The following THRA variants were observed in gnomAD, a reference collection of about 807,000 sequenced individuals.
The protein encoded by THRA is thyroid hormone receptor alpha.
A neutral mutation model predicts 45.0 loss-of-function variants in THRA; 13 were observed. The ratio of observed to expected loss-of-function variants is 0.29; its 90% CI spans 0.19 to 0.46. The LOEUF is 0.46. Ranked by LOEUF, THRA falls within the 20% of genes least tolerant of loss-of-function variation. The probability of loss-of-function intolerance (pLI) is 1.00; values close to 1 mark genes in which losing one functional copy is unlikely to be tolerated. For synonymous variants in THRA, 195 were observed against 214.0 expected, an observed-to-expected ratio of 0.91 and a Z score of 0.78; for missense variants, 278 against 556.1, an observed-to-expected ratio of 0.50 and a Z score of 5.03.
In THRA at chr17:40,069,285, GTCTCTGTCTCTGTCTCTCTC is replaced by G. The variant is rs1219499371; in HGVS notation, c.-297-4900_-297-4881del. Among the ~76,000 whole-genome samples, 3 of 145,936 alleles carry G rather than the reference GTCTCTGTCTCTGTCTCTCTC, an allele frequency of 2.1e-5. No individual in the cohort carries two copies. The East Asian group carries it at 6.1e-4, about 29-fold the overall frequency. ...CCTCCCTTTCTGTCCCTGTCTCTCT[GTCTCTGTCTCTGTCTCTCTC>G]TCTCTGCCTCTGCCAGTTCTGCTTG... On this transcript the variant is annotated intron_variant, in intron 1 of 8. Coordinates refer to ENST00000450525, the MANE Select transcript of THRA (RefSeq NM_199334.5).
intron 4 of THRA, among the ~76,000 whole-genome samples, chr17:40,078,676 G>GT (rs1987034045): frequency 6.7e-6 from 1 of 150,120 alleles, no homozygotes; most frequent in Non-Finnish European, 1.5e-5. Flanking sequence ...TCAAAATGTG[G>GT]TTCATGGACC....
In THRA at chr17:40,092,431, CA is replaced by C. The variant is rs1162298455; in HGVS notation, c.*2976del. 1 of 152,254 alleles carries C rather than the reference CA, an allele frequency of 6.6e-6. No homozygotes were observed. The highest frequency in any genetic ancestry group is 1.9e-4 in the East Asian group (1 of 5,176). The allele number at this position is 152,254 out of a possible 1,614,324, so 9.4% of individuals were successfully genotyped here. ...CAGGGAAGGAGGTAGGTCTCTTCCCCAGGGAGGGGTGGGACCGGCAGGGGTG... is the reference window on the plus strand; with the variant it reads ...CAGGGAAGGAGGTAGGTCTCTTCCCCGGGAGGGGTGGGACCGGCAGGGGTG... On this transcript the variant is annotated 3_prime_UTR_variant, in exon 9 of 9. Coordinates refer to ENST00000450525, the MANE Select transcript of THRA (RefSeq NM_199334.5).
intron 2 of THRA, among the ~76,000 whole-genome samples, chr17:40,075,321 C>T (rs897961305): frequency 6.6e-6 from 1 of 152,014 alleles, no homozygotes; most frequent in African/African-American, 2.4e-5. Context: ...GGGGGTGCTC[C>T]GGGGAGCAGT....
chr17:40,063,452 G>C (rs922299028), intron 1 of THRA, among the ~76,000 whole-genome samples: 1 of 151,920 alleles, frequency 6.6e-6, no homozygotes, highest in Non-Finnish European at 1.5e-5. Flanking sequence ...GCCGCGCCGC[G>C]GTTTGTTTAC....
intron 1 of THRA, among the ~76,000 whole-genome samples, chr17:40,070,345 T>G (rs1272257959): frequency 6.6e-6 from 1 of 152,158 alleles, no homozygotes; most frequent in East Asian, 1.9e-4. Flanking sequence ...AACAGAGAGT[T>G]GGGTGGGGCA....
intron 4 of THRA, among the ~76,000 whole-genome samples, chr17:40,081,138 C>T (rs1987124403): frequency 2.0e-5 from 3 of 152,166 alleles, no homozygotes; most frequent in Admixed American, 2.0e-4. Flanking sequence ...CAAATTGCTT[C>T]ATCTCACCAA....
Position 40,088,406 on chromosome 17 carries a change from C to T in THRA, c.888C>T (p.Ser296=), listed in dbSNP as rs759185479. Residue 296 remains serine, a synonymous_variant, in exon 8 of 9, where the codon TCC becomes TCT. Coordinates refer to ENST00000450525, the MANE Select transcript of THRA (RefSeq NM_199334.5). ...AGAATGGCGGCCTGGGCGTAGTCTC[C>T]GACGCCATCTTTGAACTGGGCAAGT... ...QLKNGGLGVV[S]DAIFELGKSL... is the part of the protein sequence containing the mutation. The T allele has an allele frequency of 6.2e-6, 10 of 1,614,096 alleles. No homozygotes were observed. The highest frequency in any genetic ancestry group is 1.7e-4 in the Middle Eastern group (1 of 6,058).
chr17:40,070,172 CCA>C (rs1440141345), intron 1 of THRA, among the ~76,000 whole-genome samples: 4 of 152,032 alleles, frequency 2.6e-5, no homozygotes, highest in African/African-American at 4.8e-5. Flanking sequence ...TCCTGGGGGC[CCA>C]GTGAGAGCTC....
intron 2 of THRA, among the ~76,000 whole-genome samples, chr17:40,076,668 G>A (rs1986964887): frequency 6.6e-6 from 1 of 152,160 alleles, no homozygotes; most frequent in African/African-American, 2.4e-5. Flanking sequence ...TTGTGCCACA[G>A]CCAAGCCCCT....
Position 40,089,958 on chromosome 17 carries a change from G to C in THRA, c.*502G>C. ...GCTTGGCTTGGCTCCTCCTCTGGAG[G>C]TTAAAATTTATAGTCATTCTAACTG... On this transcript the variant is annotated 3_prime_UTR_variant, in exon 9 of 9. Transcript: ENST00000450525. The surrounding 1 kb of genome is among the most constrained non-coding windows in gnomAD (Gnocchi z 6.1). 1.0e-6 allele frequency: 1 copy of C among 991,626 alleles called. No individual in the cohort carries two copies. Among genetic ancestry groups the C allele is most frequent in the African/African-American group, 1.7e-5 (1 of 57,436 alleles). The allele number at this position is 991,626 out of a possible 1,614,324, so 61.4% of individuals were successfully genotyped here.
intron 1 of THRA, among the ~76,000 whole-genome samples, chr17:40,065,777 G>A (rs1053359222): frequency 6.6e-6 from 1 of 151,962 alleles, no homozygotes; most frequent in Non-Finnish European, 1.5e-5. Context: ...GGGGAAGGGG[G>A]GGGGGGTCAG....
chr17:40,068,712 T>C (rs1986658547), intron 1 of THRA, among the ~76,000 whole-genome samples: 1 of 152,168 alleles, frequency 6.6e-6, no homozygotes, highest in Non-Finnish European at 1.5e-5. Context: ...GCAGAATGAT[T>C]GGACCAAGCC....
chr17:40,074,323 G>GC lies in THRA; in HGVS notation c.-165dup. On this transcript the variant is annotated 5_prime_UTR_variant, in exon 2 of 9. Transcript: ENST00000450525. ...TCCCACCGCCCGCCCCCCTTGGGGCGCAGGGCATGGTGTGAAAGGCCAAGT... is the reference window on the plus strand; with the variant it reads ...TCCCACCGCCCGCCCCCCTTGGGGCGCCAGGGCATGGTGTGAAAGGCCAAGT... The GC allele has an allele frequency of 2.8e-6, 2 of 718,650 alleles. No homozygotes were observed. The highest frequency in any genetic ancestry group is 3.5e-5 in the South Asian group (2 of 57,372). 44.5% of individuals were successfully genotyped at this position (718,650 alleles called of 1,614,324 possible).
chr17:40,075,357 A>G (rs531124648), intron 2 of THRA, among the ~76,000 whole-genome samples: 113 of 152,266 alleles, frequency 7.4e-4, no homozygotes, highest in African/African-American at 2.6e-3. Context: ...CTAGGAGATC[A>G]GATCCCGAGC....
chr17:40,089,267 G>T lies in THRA; in HGVS notation c.1044G>T (p.Ala348=), dbSNP rs146295546. ...IEKSQEAYLL[A]FEHYVNHRKH... is the part of the protein sequence containing the mutation. ...AGAGTCAGGAGGCGTACCTGCTGGCGTTCGAGCACTACGTCAACCACCGCA... is the reference window on the plus strand; with the variant it reads ...AGAGTCAGGAGGCGTACCTGCTGGCTTTCGAGCACTACGTCAACCACCGCA... Residue 348 remains alanine, a synonymous_variant, in exon 9 of 9, where the codon GCG becomes GCT. Transcript: ENST00000450525. This position sits in a 1 kb window ranked among gnomAD's most constrained non-coding sequence, Gnocchi z 6.1. 1 of 1,613,810 alleles carries T rather than the reference G, an allele frequency of 6.2e-7. No individual in the cohort carries two copies. The highest frequency in any genetic ancestry group is 8.5e-7 in the Non-Finnish European group (1 of 1,179,994).
intron 4 of THRA, among the ~76,000 whole-genome samples, chr17:40,080,555 A>C (rs1987102104): frequency 6.6e-6 from 1 of 152,150 alleles, no homozygotes; most frequent in South Asian, 2.1e-4. Flanking sequence ...CAATACAAAC[A>C]GTGTAGCATA....
At position 40,083,916 on chromosome 17, in the gene THRA, A is replaced by T. The variant is rs968011169; in HGVS notation, c.304A>T (p.Ile102Phe). Residue 102 changes from isoleucine (I) to phenylalanine (F), a missense_variant, in exon 5 of 9, where the codon ATC (isoleucine) becomes TTC (phenylalanine). This residue lies in a region of THRA where 111 missense variants were observed against 167.1 expected (regional missense o/e 0.66). Coordinates refer to ENST00000450525, the MANE Select transcript of THRA (RefSeq NM_199334.5). The stretch of plus-strand genomic sequence containing the variant: ...TGACAGCTGCTGTGTCATTGACAAG[A>T]TCACCCGCAATCAGTGCCAGCTGTG... ...KYDSCCVIDKITRNQCQLCRF... is the reference protein window; with the variant it reads ...KYDSCCVIDKFTRNQCQLCRF... The T allele has an allele frequency of 6.2e-7, 1 of 1,613,972 alleles. No homozygotes were observed. The highest frequency in any genetic ancestry group is 8.5e-7 in the Non-Finnish European group (1 of 1,179,922).
chr17:40,084,374 C>G, intron 5 of THRA: 1 of 555,038 alleles, frequency 1.8e-6, no homozygotes, highest in South Asian at 2.1e-5. Flanking sequence ...CACCATAATC[C>G]GTTAGACCAG....
At chr17:40,078,344 T>G (rs1167259990) in intron 4 of THRA, among the ~76,000 whole-genome samples, 1 of 152,162 alleles carries the variant, frequency 6.6e-6, no homozygotes, top group Non-Finnish European at 1.5e-5. Context: ...TAGCTGGGTG[T>G]GGTGCCACAT....
Sources: gnomAD v4.1 joint callset for allele counts (sites outside exome capture counted in the v4.1 genomes callset) on GRCh38, gnomAD v4.1.1 for gene constraint, gnomAD v4.1.1 regional missense constraint, Gnocchi (gnomAD v3.1) non-coding constraint, MANE v1.5 for transcripts, NCBI Gene and HGNC (gene_info 2026-07-23, HGNC 2026-07-21) for gene names.